The following OSBPL3 variants were observed in gnomAD, a reference collection of about 807,000 sequenced individuals.
OSBPL3 encodes oxysterol binding protein like 3.
Under a neutral mutation model 120.1 loss-of-function variants are expected in OSBPL3, and 65 were observed. The observed-to-expected ratio is 0.54, with a 90% CI of 0.44 to 0.67. The LOEUF (loss-of-function observed/expected upper bound fraction) is 0.67, where lower values mean the gene tolerates loss of function less well. Among genes scored for constraint, OSBPL3 ranks in the 30% least tolerant of loss-of-function variants. OSBPL3 has a pLI of 0.00. For missense variants in OSBPL3, 1,004 were observed against 1,082.1 expected (o/e 0.93, Z 1.01); for synonymous variants, 416 against 402.6 (o/e 1.03, Z -0.40).
chr7:24,950,595 G>A (rs186332330), intron 1 of OSBPL3, among the ~76,000 whole-genome samples: 7 of 152,304 alleles, frequency 4.6e-5, no homozygotes, highest in African/African-American at 1.2e-4. Flanking sequence ...GGTGGCGGGT[G>A]CCTGTAGTCC....
Position 24,851,285 on chromosome 7 carries a change from G to C in OSBPL3, c.1158+1219C>G, listed in dbSNP as rs547728393. Among the ~76,000 whole-genome samples the C allele has an allele frequency of 6.6e-6, 1 of 152,220 alleles. No homozygotes were observed. Among genetic ancestry groups the C allele is most frequent in the African/African-American group, 2.4e-5 (1 of 41,470 alleles). ...CAATAAAAAGGGGGCGATTCTATCT[G>C]TGACCTTAAGACAACGTTAAGACTC... On this transcript the variant is annotated intron_variant, in intron 11 of 22. Transcript: ENST00000313367. This position sits in a 1 kb window ranked among gnomAD's most constrained non-coding sequence, Gnocchi z 4.1.
chr7:24,893,180 T>C (rs1805622497), intron 1 of OSBPL3, among the ~76,000 whole-genome samples: 1 of 152,210 alleles, frequency 6.6e-6, no homozygotes, highest in Admixed American at 6.5e-5. Context: ...AGACCAATGT[T>C]CATAGCAATG....
intron 19 of OSBPL3, among the ~76,000 whole-genome samples, chr7:24,811,619 G>C (rs1390558473): frequency 6.6e-6 from 1 of 152,166 alleles, no homozygotes; most frequent in Non-Finnish European, 1.5e-5. Context: ...GTTTTTGTTT[G>C]AGTAGTTCTA....
intron 1 of OSBPL3, among the ~76,000 whole-genome samples, chr7:24,954,268 G>C (rs573580190): frequency 6.6e-6 from 1 of 152,240 alleles, no homozygotes; most frequent in Non-Finnish European, 1.5e-5. Context: ...TAGACGTGAA[G>C]TTATTTATTC....
chr7:24,961,732 G>A (rs994969722), intron 1 of OSBPL3, among the ~76,000 whole-genome samples: 1 of 152,150 alleles, frequency 6.6e-6, no homozygotes, highest in Non-Finnish European at 1.5e-5. Flanking sequence ...TATTATAGCA[G>A]TCTGAACACA....
chr7:24,958,253 T>A (rs1392339243), intron 1 of OSBPL3, among the ~76,000 whole-genome samples: 1 of 152,206 alleles, frequency 6.6e-6, no homozygotes, highest in Non-Finnish European at 1.5e-5. Context: ...AACACTGTTG[T>A]TAAATCTCAG....
rs1802165217 is a variant in OSBPL3, at chr7:24,871,879, A to G, written c.213+74T>C. On this transcript the variant is annotated intron_variant, in intron 3 of 22. Transcript: ENST00000313367. The surrounding 1 kb of genome is among the most constrained non-coding windows in gnomAD (Gnocchi z 4.8). Reference sequence around the variant, plus strand: ...CTCAAATTCCAACTAGAAATTAAATATGAGTACCTAAGAACCAGGTGCTGA... The same window carrying G: ...CTCAAATTCCAACTAGAAATTAAATGTGAGTACCTAAGAACCAGGTGCTGA... 2.1e-6 allele frequency: 3 copies of G among 1,457,920 alleles called. No individual in the cohort carries two copies. The highest frequency in any genetic ancestry group is 2.9e-6 in the Non-Finnish European group (3 of 1,038,388). The allele number at this position is 1,457,920 out of a possible 1,614,324, so 90.3% of individuals were successfully genotyped here.
At chr7:24,925,294 G>C (rs535009325) in intron 1 of OSBPL3, among the ~76,000 whole-genome samples, 1 of 152,280 alleles carries the variant, frequency 6.6e-6, no homozygotes, top group South Asian at 2.1e-4. Flanking sequence ...GCTGACACGG[G>C]CATGCACATC....
intron 10 of OSBPL3, among the ~76,000 whole-genome samples, chr7:24,856,312 G>T (rs1241181560): frequency 6.6e-6 from 1 of 151,946 alleles, no homozygotes; most frequent in Non-Finnish European, 1.5e-5. Context: ...TGTTTCTAAG[G>T]CTTCCATGCT....
At chr7:24,905,202 A>G (rs1807717886) in intron 1 of OSBPL3, among the ~76,000 whole-genome samples, 1 of 149,150 alleles carries the variant, frequency 6.7e-6, no homozygotes, top group African/African-American at 2.4e-5. Flanking sequence ...GGATTGCTCC[A>G]ATCCCAGTTG....
chr7:24,931,576 T>C (rs367566800), intron 1 of OSBPL3, among the ~76,000 whole-genome samples: 10 of 152,256 alleles, frequency 6.6e-5, no homozygotes, highest in African/African-American at 2.4e-4. Context: ...TGGAAGTGAA[T>C]TCTCCACAAA....
intron 12 of OSBPL3, among the ~76,000 whole-genome samples, chr7:24,845,475 G>C (rs1393903999): frequency 7.0e-6 from 1 of 142,448 alleles, no homozygotes; most frequent in East Asian, 2.1e-4. Context: ...GTGTGTGTGT[G>C]AATTATGGCC....
At chr7:24,828,435 C>A (rs1398761821) in intron 16 of OSBPL3, among the ~76,000 whole-genome samples, 4 of 151,788 alleles carry the variant, frequency 2.6e-5, no homozygotes, top group Admixed American at 6.6e-5. Context: ...TGGTGAAATG[C>A]CATCTCTATT....
chr7:24,882,494 A>C (rs1258802363), intron 2 of OSBPL3, among the ~76,000 whole-genome samples: 1 of 152,198 alleles, frequency 6.6e-6, no homozygotes, highest in Non-Finnish European at 1.5e-5. Context: ...TCATCCATGC[A>C]ATCATTGGTG....
At chr7:24,826,709 C>T (rs1018842620) in intron 16 of OSBPL3, among the ~76,000 whole-genome samples, 1 of 152,120 alleles carries the variant, frequency 6.6e-6, no homozygotes, top group Non-Finnish European at 1.5e-5. Context: ...CATGAATGCA[C>T]GGAGCACTCT....
At chr7:24,814,957 A>C in intron 19 of OSBPL3, 102 bp downstream of exon 19, 1 of 1,112,760 alleles carries the variant, frequency 9.0e-7, no homozygotes, top group Non-Finnish European at 1.3e-6. Context: ...GCCTGCTGGC[A>C]TAAAGGTGAA....
intron 1 of OSBPL3, among the ~76,000 whole-genome samples, chr7:24,915,756 T>C (rs1809470202): frequency 6.6e-6 from 1 of 152,094 alleles, no homozygotes; most frequent in Non-Finnish European, 1.5e-5. Context: ...GTATTTTTAG[T>C]AGAGATGGGG....
rs1262181162 is a variant in OSBPL3, at chr7:24,894,529, G to T, written c.-149-1908C>A. 6.6e-6 allele frequency among the ~76,000 whole-genome samples: 1 copy of T among 152,052 alleles called. No individual in the cohort carries two copies. Among genetic ancestry groups the T allele is most frequent in the African/African-American group, 2.4e-5 (1 of 41,410 alleles). ...AGAAAAAAAAAAAATCAAAAACCTGGTGGGAGCCCCAAATGATGAAATGTG... is the reference window on the plus strand; with the variant it reads ...AGAAAAAAAAAAAATCAAAAACCTGTTGGGAGCCCCAAATGATGAAATGTG... On this transcript the variant is annotated intron_variant, in intron 1 of 22. Transcript: ENST00000313367. The surrounding 1 kb of genome is among the most constrained non-coding windows in gnomAD (Gnocchi z 4.1).
intron 1 of OSBPL3, among the ~76,000 whole-genome samples, chr7:24,911,875 G>A (rs1584597098): frequency 6.6e-6 from 1 of 152,208 alleles, no homozygotes; most frequent in African/African-American, 2.4e-5. Flanking sequence ...AAAAGGCAGA[G>A]TAAACAGGTT....
Sources: gnomAD v4.1 joint callset for allele counts (sites outside exome capture counted in the v4.1 genomes callset) on GRCh38, gnomAD v4.1.1 for gene constraint, Gnocchi (gnomAD v3.1) non-coding constraint, MANE v1.5 for transcripts, NCBI Gene and HGNC (gene_info 2026-07-23, HGNC 2026-07-21) for gene names.